MBNL1: variants seen among roughly 807,000 people sequenced by gnomAD.
MBNL1 encodes muscleblind like splicing regulator 1, also known as muscleblind-like protein 1.
MBNL1 carries 8 observed loss-of-function variants against 42.2 expected under a neutral mutation model. That is an observed-to-expected ratio of 0.19 (90% CI 0.11 to 0.34). MBNL1 has a LOEUF of 0.34. Ranked by LOEUF, MBNL1 falls within the 10% of genes least tolerant of loss-of-function variation. The pLI, the probability that MBNL1 is intolerant of heterozygous loss-of-function variation, is 1.00. For missense variants in MBNL1, 309 were observed against 495.3 expected (o/e 0.62, Z 3.57); for synonymous variants, 169 against 173.9 (o/e 0.97, Z 0.22).
chr3:152,309,468 C>T (rs1274284589), intron 2 of MBNL1, among the ~76,000 whole-genome samples: 3 of 152,224 alleles, frequency 2.0e-5, no homozygotes, highest in African/African-American at 7.2e-5. Flanking sequence ...ATTTATCTCT[C>T]TGCATAAAAA....
rs906477684 is a variant in MBNL1 at position 152,299,450 on chromosome 3, C to A, written c.-744C>A. On this transcript the variant is annotated 5_prime_UTR_variant, in exon 2 of 10. Transcript: ENST00000324210. ...TTCCTGACGTCTCTGCTGCTTGGAA[C>A]CGCTTCTAGAGCAGTCTCTGCTTTT... The A allele has an allele frequency of 2.7e-6, 1 of 365,916 alleles. No individual in the cohort carries two copies. The highest frequency in any genetic ancestry group is 4.9e-6 in the Non-Finnish European group (1 of 205,920). 22.7% of individuals were successfully genotyped at this position (365,916 alleles called of 1,614,324 possible).
At chr3:152,378,593 A>G (rs1024788832) in intron 2 of MBNL1, among the ~76,000 whole-genome samples, 3 of 152,122 alleles carry the variant, frequency 2.0e-5, no homozygotes, top group Non-Finnish European at 4.4e-5. Context: ...TTTTCCTTTG[A>G]AAGATTTTCT....
At chr3:152,409,049 A>G (rs997501983) in intron 2 of MBNL1, among the ~76,000 whole-genome samples, 6 of 152,220 alleles carry the variant, frequency 3.9e-5, no homozygotes, top group Non-Finnish European at 8.8e-5. Context: ...TAAGAGCAAC[A>G]ATATACTTCG....
chr3:152,329,020 A>C (rs2082286282), intron 2 of MBNL1, among the ~76,000 whole-genome samples: 1 of 152,176 alleles, frequency 6.6e-6, no homozygotes, highest in Admixed American at 6.6e-5. Flanking sequence ...CATGAAAAGA[A>C]TACTAGGGGA....
intron 1 of MBNL1, among the ~76,000 whole-genome samples, chr3:152,289,482 CGTATCTTA>C (rs1272057442): frequency 3.3e-5 from 5 of 151,742 alleles, no homozygotes; most frequent in Non-Finnish European, 5.9e-5. Context: ...TGTTTTGTGG[CGTATCTTA>C]GTCTTTTAAA....
intron 1 of MBNL1, among the ~76,000 whole-genome samples, chr3:152,270,821 GTCT>G (rs1277507886): frequency 3.3e-5 from 5 of 152,014 alleles, no homozygotes; most frequent in African/African-American, 1.2e-4. Context: ...ATATTGTTAG[GTCT>G]TCTTTGAAAA....
chr3:152,339,499 T>A (rs2092516455), intron 2 of MBNL1, among the ~76,000 whole-genome samples: 1 of 152,058 alleles, frequency 6.6e-6, no homozygotes, highest in African/African-American at 2.4e-5. Context: ...CCCGCCTCTA[T>A]TTTCAGGCAG....
intron 2 of MBNL1, among the ~76,000 whole-genome samples, chr3:152,246,676 G>A (rs1237121508): frequency 6.6e-6 from 1 of 151,940 alleles, no homozygotes; most frequent in Non-Finnish European, 1.5e-5. Flanking sequence ...TGACATGATT[G>A]TCTAAGAAGT....
chr3:152,403,248 C>T (rs2098306361), intron 2 of MBNL1, among the ~76,000 whole-genome samples: 1 of 152,082 alleles, frequency 6.6e-6, no homozygotes. Context: ...CCTGTGAGGC[C>T]CAACATCTCC....
intron 4 of MBNL1, among the ~76,000 whole-genome samples, chr3:152,436,334 A>C (rs1461139977): frequency 6.6e-6 from 1 of 152,236 alleles, no homozygotes; most frequent in Admixed American, 6.5e-5. Flanking sequence ...TTTTAGGAGA[A>C]GAGATGTGAA....
At chr3:152,404,063 T>C (rs1443082217) in intron 2 of MBNL1, among the ~76,000 whole-genome samples, 1 of 152,244 alleles carries the variant, frequency 6.6e-6, no homozygotes, top group Non-Finnish European at 1.5e-5. Context: ...TAGCATTTAA[T>C]GGCTGGACTT....
chr3:152,379,246 A>G (rs1028586549), intron 2 of MBNL1, among the ~76,000 whole-genome samples: 1 of 152,186 alleles, frequency 6.6e-6, no homozygotes, highest in Non-Finnish European at 1.5e-5. Flanking sequence ...AGGAACTCCT[A>G]TATATTTAGC....
chr3:152,381,641 A>C (rs1190549322), intron 2 of MBNL1, among the ~76,000 whole-genome samples: 1 of 151,980 alleles, frequency 6.6e-6, no homozygotes, highest in African/African-American at 2.4e-5. Flanking sequence ...TTCTATATTC[A>C]TATTTCTATG....
rs1418725219 is a variant in MBNL1 at position 152,432,911 on chromosome 3, C to T, written c.540C>T (p.Asp180=). The change falls in exon 4 of 10, where the codon GAC becomes GAT. Residue 180 remains aspartate (D), a synonymous_variant. Transcript: ENST00000324210. ...CTGCACAGAAATTAATGCGAACAGA[C>T]AGACTTGAGGTAGGAATGACTAGTT... ...AAAAQKLMRT[D]RLEVCREYQR... 1 of 1,612,612 alleles carries T rather than the reference C, an allele frequency of 6.2e-7. No homozygotes were observed. Among genetic ancestry groups the T allele is most frequent in the South Asian group, 1.1e-5 (1 of 91,006 alleles).
intron 8 of MBNL1, 37 bp downstream of exon 8, chr3:152,456,398 C>T: frequency 6.5e-7 from 1 of 1,535,672 alleles, no homozygotes; most frequent in South Asian, 1.1e-5. Context: ...TAAAAAACAA[C>T]TCTAATAGGG....
chr3:152,303,684 A>G (rs573710309), intron 2 of MBNL1, among the ~76,000 whole-genome samples: 1 of 152,166 alleles, frequency 6.6e-6, no homozygotes, highest in Non-Finnish European at 1.5e-5. Flanking sequence ...ATGTAAAGAA[A>G]GCCTACAGAA....
At chr3:152,383,851 T>G (rs1010509312) in intron 2 of MBNL1, among the ~76,000 whole-genome samples, 4 of 152,082 alleles carry the variant, frequency 2.6e-5, no homozygotes, top group African/African-American at 7.2e-5. Context: ...GAAATTAATT[T>G]CATCTTCCCT....
At chr3:152,252,891 C>T (rs2034867571) in intron 2 of MBNL1, among the ~76,000 whole-genome samples, 1 of 152,006 alleles carries the variant, frequency 6.6e-6, no homozygotes, top group Non-Finnish European at 1.5e-5. Context: ...TCCCTATATT[C>T]TACTCCAGTA....
At chr3:152,322,589 A>C (rs1360153785) in intron 2 of MBNL1, among the ~76,000 whole-genome samples, 6 of 152,094 alleles carry the variant, frequency 3.9e-5, no homozygotes, top group Admixed American at 1.3e-4. Context: ...CTGGGAAAAA[A>C]TGTCAGTTTT....
Sources: gnomAD v4.1 joint callset for allele counts (sites outside exome capture counted in the v4.1 genomes callset) on GRCh38, gnomAD v4.1.1 for gene constraint, MANE v1.5 for transcripts, NCBI Gene and HGNC (gene_info 2026-07-23, HGNC 2026-07-21) for gene names.